The following TRPM6 variants were observed in gnomAD, a reference collection of about 807,000 sequenced individuals.
TRPM6 encodes transient receptor potential cation channel subfamily M member 6.
In TRPM6, 111 loss-of-function variants were observed where a neutral mutation model predicts 247.6. The observed-to-expected ratio is 0.45, with a 90% confidence interval of 0.38 to 0.52. TRPM6 has a LOEUF of 0.52. TRPM6 is among the 20% of genes least tolerant of loss of function. The pLI, the probability that TRPM6 is intolerant of heterozygous loss-of-function variation, is 0.00. For synonymous variants in TRPM6, 892 were observed against 853.8 expected (o/e 1.04, Z -0.78); for missense variants, 2,126 against 2,421.5 (o/e 0.88, Z 2.56).
At chr9:74,761,609 G>T in intron 27 of TRPM6, 87 bp downstream of exon 27, 2 of 815,580 alleles carry the variant, frequency 2.5e-6, no homozygotes, top group Non-Finnish European at 2.2e-6. Context: ...TGTGTAGATG[G>T]CACTTTACAG....
intron 1 of TRPM6, among the ~76,000 whole-genome samples, chr9:74,865,117 A>G (rs958972928): frequency 4.6e-5 from 7 of 152,028 alleles, no homozygotes; most frequent in African/African-American, 1.7e-4. Flanking sequence ...TTTCTAGATT[A>G]TATAAACTCA....
rs780753268 is a variant in TRPM6 at position 74,739,903 on chromosome 9, T to C, written c.5307A>G (p.Val1769=). 9 of 1,613,966 alleles carry C rather than the reference T, an allele frequency of 5.6e-6. No homozygotes were observed. In the Admixed American group the frequency reaches 8.3e-5, roughly 15 times the overall value. The change falls in exon 34 of 39, where the codon GTA becomes GTG. Residue 1769 remains valine, a synonymous_variant. Coordinates refer to ENST00000360774, the MANE Select transcript of TRPM6 (RefSeq NM_017662.5). ...SQRGRAAMIQ[V]LSREEMDGGL... is the part of the protein sequence containing the mutation. ...CCCCATCCATCTCCTCTCGGGACAA[T>C]ACCTGGATCATTGCCGCTCTCCCAC...
intron 33 of TRPM6, 68 bp downstream of exon 33, chr9:74,742,493 C>T: frequency 1.4e-5 from 21 of 1,457,416 alleles, no homozygotes; most frequent in Non-Finnish European, 1.9e-5. Context: ...AATGTGGTTT[C>T]CTTTGATTCA....
At chr9:74,818,975 T>A (rs530198830) in intron 9 of TRPM6, among the ~76,000 whole-genome samples, 30 of 152,152 alleles carry the variant, frequency 2.0e-4, no homozygotes, top group Non-Finnish European at 3.7e-4. Context: ...GTATATTTAC[T>A]GTAATTGTCA....
In TRPM6 at chr9:74,820,345, G is replaced by A. The variant is rs1587542527; in HGVS notation, c.1093C>T (p.Leu365Phe). 1 of 1,614,012 alleles carries A rather than the reference G, an allele frequency of 6.2e-7. No individual in the cohort carries two copies. The highest frequency in any genetic ancestry group is 1.1e-5 in the South Asian group (1 of 91,078). ...ATACACTCCATTAGAATTTGGAAAAGGTGCTTGGACTGTTTAAGACTAAAG... is the reference window on the plus strand; with the variant it reads ...ATACACTCCATTAGAATTTGGAAAAAGTGCTTGGACTGTTTAAGACTAAAG... Reference protein sequence around the residue: ...FNFSLKQSKHLFQILMECMVH... With the variant: ...FNFSLKQSKHFFQILMECMVH... Residue 365 changes from leucine to phenylalanine, a missense_variant, in exon 9 of 39, where the codon CTT becomes TTT. By Grantham distance (22) the Leu-to-Phe change is conservative. Coordinates refer to ENST00000360774, the MANE Select transcript of TRPM6 (RefSeq NM_017662.5).
intron 21 of TRPM6, among the ~76,000 whole-genome samples, chr9:74,784,597 A>G (rs989833545): frequency 7.2e-5 from 11 of 152,226 alleles, no homozygotes; most frequent in African/African-American, 2.7e-4. Context: ...AGCAGAAAAT[A>G]TCATTGGTGG....
chr9:74,789,960 C>CAAAAAAAAA (rs71368680), intron 19 of TRPM6, among the ~76,000 whole-genome samples: 3 of 65,138 alleles, frequency 4.6e-5, no homozygotes, highest in African/African-American at 6.4e-5. Context: ...GACTCCATCT[C>CAAAAAAAAA]AAAAAAAAAA....
At chr9:74,832,822 A>G (rs896628739) in intron 6 of TRPM6, among the ~76,000 whole-genome samples, 5 of 152,186 alleles carry the variant, frequency 3.3e-5, no homozygotes, top group African/African-American at 9.6e-5. Flanking sequence ...AAGCCGAGGC[A>G]GGCAGATCAT....
At chr9:74,832,990 G>A (rs1294674182) in intron 6 of TRPM6, among the ~76,000 whole-genome samples, 2 of 151,954 alleles carry the variant, frequency 1.3e-5, no homozygotes, top group African/African-American at 4.8e-5. Flanking sequence ...GGTGGAGATT[G>A]CAGTGAGCCA....
intron 9 of TRPM6, 38 bp downstream of exon 9, chr9:74,820,266 T>A: frequency 6.2e-7 from 1 of 1,606,870 alleles, no homozygotes; most frequent in Non-Finnish European, 8.5e-7. Context: ...AAATTAGCAG[T>A]TCTTAAGTCA....
intron 23 of TRPM6, among the ~76,000 whole-genome samples, chr9:74,781,505 C>G (rs1338687072): frequency 7.3e-6 from 1 of 136,196 alleles, no homozygotes; most frequent in African/African-American, 2.8e-5. Context: ...CAACTGCACT[C>G]CAGCCTGGGT....
chr9:74,771,534 T>A (rs1827041186), intron 25 of TRPM6, among the ~76,000 whole-genome samples, 169 bp downstream of exon 25: 1 of 152,250 alleles, frequency 6.6e-6, no homozygotes, highest in Non-Finnish European at 1.5e-5. Flanking sequence ...ATATAGTAGA[T>A]GCTTAATAAA....
At chr9:74,774,898 C>A (rs1238366105) in intron 24 of TRPM6, among the ~76,000 whole-genome samples, 2 of 152,148 alleles carry the variant, frequency 1.3e-5, no homozygotes, top group Admixed American at 1.3e-4. Flanking sequence ...AGTCTTTCCC[C>A]AATTTGTGAA....
At chr9:74,842,624 A>G (rs112594471) in intron 3 of TRPM6, among the ~76,000 whole-genome samples, 74 of 152,364 alleles carry the variant, frequency 4.9e-4, no homozygotes, top group African/African-American at 1.7e-3. Flanking sequence ...CCACTACAAT[A>G]AAGTGAATAT....
At chr9:74,869,068 G>C (rs1438296996) in intron 1 of TRPM6, among the ~76,000 whole-genome samples, 2 of 152,170 alleles carry the variant, frequency 1.3e-5, no homozygotes, top group Non-Finnish European at 2.9e-5. Context: ...CTAAAAAGAA[G>C]ATAAGAAGAA....
chr9:74,885,377 G>A (rs1382494904), intron 1 of TRPM6, among the ~76,000 whole-genome samples: 1 of 152,122 alleles, frequency 6.6e-6, no homozygotes, highest in Non-Finnish European at 1.5e-5. Context: ...CCAAGAAGGA[G>A]CAATTATAAG....
intron 3 of TRPM6, among the ~76,000 whole-genome samples, chr9:74,853,376 G>C (rs1467228328): frequency 1.3e-5 from 2 of 152,246 alleles, no homozygotes; most frequent in African/African-American, 4.8e-5. Context: ...AGCTCATTGA[G>C]GGCGGGCCAT....
At chr9:74,738,673 C>T in intron 35 of TRPM6, 61 bp from the exon 36 acceptor site, 1 of 1,436,804 alleles carries the variant, frequency 7.0e-7, no homozygotes, top group Non-Finnish European at 9.8e-7. Context: ...ACTTACCTTA[C>T]TGAGCAGTCA....
At chr9:74,782,304 T>A in intron 23 of TRPM6, 58 bp downstream of exon 23, 1 of 1,294,046 alleles carries the variant, frequency 7.7e-7, no homozygotes, top group Non-Finnish European at 1.1e-6. Flanking sequence ...GTGAATCTAC[T>A]CAACATATCT....
Sources: allele counts gnomAD v4.1 joint callset (sites outside exome capture counted in the v4.1 genomes callset), GRCh38; gene constraint gnomAD v4.1.1; transcripts MANE v1.5; gene names NCBI Gene and HGNC (gene_info 2026-07-23, HGNC 2026-07-21).